The following UTRN variants were observed in gnomAD, a reference collection of about 807,000 sequenced individuals.
UTRN encodes the protein dystrophin-related protein 1.
A neutral mutation model predicts 463.9 loss-of-function variants in UTRN; 283 were observed. The ratio of observed to expected loss-of-function variants is 0.61; its 90% CI spans 0.55 to 0.67. UTRN has a LOEUF of 0.67. Ranked by LOEUF, UTRN falls within the 30% of genes least tolerant of loss-of-function variation. UTRN has a pLI of 0.00. For synonymous variants in UTRN, 1,442 were observed against 1,431.5 expected (o/e 1.01, Z -0.17); for missense variants, 3,922 against 4,084.3 (o/e 0.96, Z 1.08).
rs60093118 is a variant in UTRN, at chr6:144,419,973, G to GACACACAC, written c.142-1887_142-1880dup. On this transcript the variant is annotated intron_variant, in intron 3 of 74. Coordinates refer to ENST00000367545, the MANE Select transcript of UTRN (RefSeq NM_007124.3). Reference sequence around the variant, plus strand: ...ACACACTTGTGCGCACACAGACACAGACACACACACACACACACACACACA... The same window carrying GACACACAC: ...ACACACTTGTGCGCACACAGACACAGACACACACACACACACACACACACACACACACA... Among the ~76,000 whole-genome samples, 459 of 148,008 alleles carry GACACACAC rather than the reference G, an allele frequency of 3.1e-3. 1 individual carries two copies. Among genetic ancestry groups the GACACACAC allele is most frequent in the Non-Finnish European group, 6.0e-3 (397 of 66,586 alleles).
chr6:144,638,604 C>T (rs187737148), intron 51 of UTRN, among the ~76,000 whole-genome samples: 1 of 152,180 alleles, frequency 6.6e-6, no homozygotes, highest in African/African-American at 2.4e-5. Flanking sequence ...ATTTTCTTAG[C>T]AAAAAGTTAG....
chr6:144,645,855 G>T (rs1001966180), intron 51 of UTRN, among the ~76,000 whole-genome samples: 1 of 152,070 alleles, frequency 6.6e-6, no homozygotes, highest in Non-Finnish European at 1.5e-5. Context: ...TAATGGGAGT[G>T]GGGGAGAAAG....
At chr6:144,437,802 G>A in intron 11 of UTRN, 56 bp downstream of exon 11, 1 of 1,535,186 alleles carries the variant, frequency 6.5e-7, no homozygotes, top group Non-Finnish European at 8.8e-7. Context: ...GCACAGTTGA[G>A]CTCTAGTAGA....
intron 3 of UTRN, among the ~76,000 whole-genome samples, chr6:144,410,796 A>ATATG (rs1554244165): frequency 2.8e-5 from 4 of 141,176 alleles, no homozygotes; most frequent in African/African-American, 1.1e-4. Context: ...TGGTGTGTAT[A>ATATG]TGTGTGTGTG....
chr6:144,529,740 A>G (rs987559130), intron 41 of UTRN, among the ~76,000 whole-genome samples: 10 of 152,112 alleles, frequency 6.6e-5, no homozygotes, highest in Admixed American at 6.5e-4. Flanking sequence ...ATGGAGAAAG[A>G]CGATATACAC....
intron 18 of UTRN, 27 bp downstream of exon 18, chr6:144,451,520 T>C (rs754169385): frequency 6.3e-7 from 1 of 1,598,216 alleles, no homozygotes; most frequent in Non-Finnish European, 8.5e-7. Flanking sequence ...ACATATATCC[T>C]AGTGCATAAA....
At chr6:144,802,661 T>C (rs1304633551) in intron 64 of UTRN, among the ~76,000 whole-genome samples, 1 of 152,142 alleles carries the variant, frequency 6.6e-6, no homozygotes, top group African/African-American at 2.4e-5. Context: ...CTTGATTTCT[T>C]TTTTTTCTAG....
At chr6:144,473,618 G>A (rs984286203) in intron 23 of UTRN, 102 bp from the exon 24 acceptor site, 22 of 706,256 alleles carry the variant, frequency 3.1e-5, no homozygotes, top group African/African-American at 1.8e-4. Flanking sequence ...CGATGCTATC[G>A]GAGCTTTAAA....
intron 2 of UTRN, among the ~76,000 whole-genome samples, chr6:144,346,205 C>T (rs1263366443): frequency 6.6e-6 from 1 of 151,358 alleles, no homozygotes; most frequent in African/African-American, 2.4e-5. Flanking sequence ...AATAAAAAAG[C>T]AGGCTTTTAA....
intron 34 of UTRN, among the ~76,000 whole-genome samples, chr6:144,502,679 T>C (rs1794307925): frequency 6.6e-6 from 1 of 152,218 alleles, no homozygotes; most frequent in Non-Finnish European, 1.5e-5. Context: ...TTGGGTTGAT[T>C]CCAAGTCTTT....
chr6:144,713,327 C>T (rs978548428), intron 53 of UTRN, among the ~76,000 whole-genome samples: 5 of 151,676 alleles, frequency 3.3e-5, no homozygotes, highest in Admixed American at 1.3e-4. Context: ...TACAGGGGGC[C>T]GGGTGCAGTG....
chr6:144,465,235 C>T (rs1789827350), intron 23 of UTRN, among the ~76,000 whole-genome samples: 1 of 152,090 alleles, frequency 6.6e-6, no homozygotes, highest in Non-Finnish European at 1.5e-5. Context: ...CTTCTTTTGA[C>T]TCTTAAAAGT....
At chr6:144,595,553 A>G (rs1179112904) in intron 51 of UTRN, among the ~76,000 whole-genome samples, 1 of 152,208 alleles carries the variant, frequency 6.6e-6, no homozygotes, top group Non-Finnish European at 1.5e-5. Context: ...GTAAAATCAT[A>G]CTATTTCCAA....
At position 144,840,747 on chromosome 6, in the gene UTRN, G is replaced by T; in HGVS notation, c.10185G>T (p.Glu3395Asp). The T allele has an allele frequency of 6.2e-7, 1 of 1,613,896 alleles. No individual in the cohort carries two copies. Among genetic ancestry groups the T allele is most frequent in the Non-Finnish European group, 8.5e-7 (1 of 1,179,920 alleles). The change falls in exon 73 of 75, where the codon GAG (glutamate) becomes GAT (aspartate). Residue 3395 changes from glutamate (E) to aspartate (D), a missense_variant. Physicochemically the swap from Glu to Asp is conservative, Grantham distance 45 (BLOSUM62 2). Around this residue, in one of 3 missense-constraint regions of UTRN, gnomAD observed 1,309 missense variants for 1,452.6 expected, o/e 0.90. Transcript: ENST00000367545. ...CTTTATTTGCTGTCACAGCGGGAGA[G>T]GACCTGCTGGCCCCACCGCACGACA... ...SGPQFHQAAG[E>D]DLLAPPHDTS...
chr6:144,716,442 A>G (rs7750326), intron 53 of UTRN, among the ~76,000 whole-genome samples: 70,004 of 151,862 alleles, frequency 0.46, 21,415 homozygotes, highest in East Asian at 0.87. Flanking sequence ...TATAGCCCCA[A>G]GTCATTGAAG....
chr6:144,405,171 G>A (rs1783275358), intron 3 of UTRN, among the ~76,000 whole-genome samples: 2 of 152,208 alleles, frequency 1.3e-5, no homozygotes. Context: ...ACTACCAAAC[G>A]TGGGATGACT....
intron 19 of UTRN, among the ~76,000 whole-genome samples, chr6:144,454,940 T>C (rs371156577): frequency 2.0e-5 from 3 of 152,312 alleles, no homozygotes; most frequent in East Asian, 3.9e-4. Flanking sequence ...ATTTCTCTTT[T>C]GGGTTAGTCA....
chr6:144,389,719 C>T (rs981917991), intron 2 of UTRN, among the ~76,000 whole-genome samples: 1 of 152,150 alleles, frequency 6.6e-6, no homozygotes, highest in Non-Finnish European at 1.5e-5. Context: ...CCGCCTCAGC[C>T]TCCTGAGTAG....
chr6:144,345,705 T>G (rs1436207440), intron 2 of UTRN, among the ~76,000 whole-genome samples: 6 of 152,138 alleles, frequency 3.9e-5, no homozygotes, highest in Non-Finnish European at 5.9e-5. Flanking sequence ...ATTGCAGGCT[T>G]GTGGCCTTTC....
Sources: allele counts gnomAD v4.1 joint callset (sites outside exome capture counted in the v4.1 genomes callset), GRCh38; gene constraint gnomAD v4.1.1; regional missense constraint gnomAD v4.1.1; transcripts MANE v1.5; gene names NCBI Gene and HGNC (gene_info 2026-07-23, HGNC 2026-07-21).